Variants in STK38L observed in about 807,000 individuals in gnomAD.
The protein encoded by STK38L is serine/threonine kinase 38 like.
STK38L carries 28 observed loss-of-function variants against 59.7 expected under a neutral mutation model. The observed-to-expected ratio is 0.47, with a 90% CI of 0.35 to 0.64. STK38L has a LOEUF of 0.64. STK38L is among the 30% of genes least tolerant of loss of function. The pLI is 0.01. For synonymous variants in STK38L, 162 were observed against 176.8 expected, an observed-to-expected ratio of 0.92 and a Z score of 0.66; for missense variants, 314 against 555.8, an observed-to-expected ratio of 0.56 and a Z score of 4.37.
chr12:27,253,131 A>G (rs1485674958), intron 1 of STK38L, among the ~76,000 whole-genome samples: 1 of 152,222 alleles, frequency 6.6e-6, no homozygotes, highest in African/African-American at 2.4e-5. Context: ...AGGGATTAGC[A>G]TAAATTGGGT....
chr12:27,274,752 C>G (rs1943497039), intron 1 of STK38L, among the ~76,000 whole-genome samples: 1 of 152,148 alleles, frequency 6.6e-6, no homozygotes, highest in Non-Finnish European at 1.5e-5. Context: ...AAACTCGTCT[C>G]TTTTATACTT....
chr12:27,290,325 C>T (rs1376247953), intron 1 of STK38L, among the ~76,000 whole-genome samples: 2 of 152,180 alleles, frequency 1.3e-5, no homozygotes, highest in East Asian at 3.8e-4. Context: ...CAGACCCAGG[C>T]AATCTGGCCT....
intron 1 of STK38L, among the ~76,000 whole-genome samples, chr12:27,253,250 C>CTACTTCAT (rs1943015648): frequency 6.6e-6 from 1 of 152,194 alleles, no homozygotes; most frequent in South Asian, 2.1e-4. Flanking sequence ...GCTTTTCATT[C>CTACTTCAT]TCTACTTCAC....
At chr12:27,307,515 G>T (rs1944346537) in intron 3 of STK38L, among the ~76,000 whole-genome samples, 1 of 152,178 alleles carries the variant, frequency 6.6e-6, no homozygotes. Context: ...TAAAAGCTTG[G>T]CAGGATTCAG....
intron 1 of STK38L, among the ~76,000 whole-genome samples, chr12:27,252,428 C>T (rs1250935372): frequency 1.3e-5 from 2 of 152,138 alleles, no homozygotes; most frequent in African/African-American, 4.8e-5. Flanking sequence ...GTACTAGTGT[C>T]TGTTTTATTA....
At chr12:27,301,992 A>G (rs1023986179) in intron 2 of STK38L, 145 bp from the exon 3 acceptor site, 2 of 520,024 alleles carry the variant, frequency 3.8e-6, no homozygotes, top group South Asian at 8.0e-5. Flanking sequence ...AACTATTCTT[A>G]GTGATTATGT....
In STK38L at chr12:27,286,159, A is replaced by G. The variant is rs565148446; in HGVS notation, c.-11-11551A>G. Reference sequence around the variant, plus strand: ...TGCTGTTCTCCACTAAACCAGAACTAAGAATTTGGTTTATAGGAAAAAAAA... The same window carrying G: ...TGCTGTTCTCCACTAAACCAGAACTGAGAATTTGGTTTATAGGAAAAAAAA... On this transcript the variant is annotated intron_variant, in intron 1 of 13. Transcript: ENST00000389032. Among the ~76,000 whole-genome samples the G allele has an allele frequency of 3.3e-5, 5 of 152,290 alleles. No individual in the cohort carries two copies. The South Asian group carries it at 1.0e-3, about 32-fold the overall frequency.
chr12:27,256,602 A>T (rs149627773), intron 1 of STK38L, among the ~76,000 whole-genome samples: 1 of 152,324 alleles, frequency 6.6e-6, no homozygotes, highest in African/African-American at 2.4e-5. Context: ...TATCCAAACT[A>T]CAGTAAGAGG....
chr12:27,246,142 T>C lies in STK38L; in HGVS notation c.-12+1810T>C, dbSNP rs145813734. On this transcript the variant is annotated intron_variant, in intron 1 of 13. Coordinates refer to ENST00000389032, the MANE Select transcript of STK38L (RefSeq NM_015000.4). ...AACTTGATTTCTAAAGGTAGGACACTGTAAGAACAAAGGAGAAATTGGACT... is the reference window on the plus strand; with the variant it reads ...AACTTGATTTCTAAAGGTAGGACACCGTAAGAACAAAGGAGAAATTGGACT... Among the ~76,000 whole-genome samples the C allele has an allele frequency of 2.2e-4, 34 of 152,374 alleles. No homozygotes were observed. The East Asian group carries it at 6.5e-3, about 29-fold the overall frequency.
chr12:27,269,458 C>G (rs1443436329), intron 1 of STK38L, among the ~76,000 whole-genome samples: 2 of 152,160 alleles, frequency 1.3e-5, no homozygotes, highest in African/African-American at 4.8e-5. Context: ...TCTGAGGGCT[C>G]TGTTCTGTTC....
At chr12:27,277,200 CT>C (rs1361876539) in intron 1 of STK38L, among the ~76,000 whole-genome samples, 1 of 151,906 alleles carries the variant, frequency 6.6e-6, no homozygotes, top group Non-Finnish European at 1.5e-5. Flanking sequence ...TCACACCCCG[CT>C]TTGTTCCTCG....
At chr12:27,314,419 A>AT in intron 6 of STK38L, 85 bp from the exon 7 acceptor site, 4 of 1,165,258 alleles carry the variant, frequency 3.4e-6, no homozygotes, top group Non-Finnish European at 3.4e-6. Flanking sequence ...AAAAAAAAAA[A>AT]GTAAAAAAAG....
At chr12:27,257,680 A>G (rs1467949695) in intron 1 of STK38L, among the ~76,000 whole-genome samples, 3 of 152,116 alleles carry the variant, frequency 2.0e-5, no homozygotes, top group Admixed American at 6.5e-5. Context: ...TGCCCTTTGT[A>G]TGACTATAGG....
intron 1 of STK38L, among the ~76,000 whole-genome samples, chr12:27,263,203 A>C (rs1943238444): frequency 6.6e-6 from 1 of 152,198 alleles, no homozygotes; most frequent in Non-Finnish European, 1.5e-5. Context: ...GGAGTTCATA[A>C]ATATGGGGCA....
At chr12:27,268,353 G>A (rs927787229) in intron 1 of STK38L, among the ~76,000 whole-genome samples, 31 of 151,862 alleles carry the variant, frequency 2.0e-4, no homozygotes, top group Non-Finnish European at 3.8e-4. Flanking sequence ...CCACCTATGA[G>A]TGAGAACATG....
intron 1 of STK38L, among the ~76,000 whole-genome samples, chr12:27,262,217 T>C (rs921433790): frequency 4.6e-5 from 7 of 152,174 alleles, no homozygotes; most frequent in African/African-American, 1.7e-4. Context: ...ATTTTAGGAT[T>C]AGAGCCCAGA....
chr12:27,280,170 G>T (rs1032273778), intron 1 of STK38L, among the ~76,000 whole-genome samples: 2 of 152,182 alleles, frequency 1.3e-5, no homozygotes, highest in Non-Finnish European at 2.9e-5. Context: ...AAGATATATA[G>T]TAGTCATGAA....
At chr12:27,244,841 C>G (rs959978704) in intron 1 of STK38L, among the ~76,000 whole-genome samples, 1 of 152,326 alleles carries the variant, frequency 6.6e-6, no homozygotes, top group South Asian at 2.1e-4. Context: ...AGCCTCCCAG[C>G]TCCTAGAAGC....
At chr12:27,279,945 G>T (rs887921241) in intron 1 of STK38L, among the ~76,000 whole-genome samples, 9 of 152,092 alleles carry the variant, frequency 5.9e-5, no homozygotes, top group African/African-American at 1.7e-4. Flanking sequence ...CTGGCTGTAG[G>T]TCTTTGGGAT....
Sources: gnomAD v4.1 joint callset for allele counts (sites outside exome capture counted in the v4.1 genomes callset) on GRCh38, gnomAD v4.1.1 for gene constraint, MANE v1.5 for transcripts, NCBI Gene and HGNC (gene_info 2026-07-23, HGNC 2026-07-21) for gene names.